PIEZO2: variants seen among roughly 807,000 people sequenced by gnomAD.
PIEZO2 encodes the protein piezo type mechanosensitive ion channel component 2.
Under a neutral mutation model 337.3 loss-of-function variants are expected in PIEZO2, and 172 were observed. The observed-to-expected ratio is 0.51, with a 90% CI of 0.45 to 0.58. The LOEUF (loss-of-function observed/expected upper bound fraction) is 0.58. PIEZO2 is among the 20% of genes least tolerant of loss of function. PIEZO2 has a pLI of 0.00. For missense variants in PIEZO2, 3,028 were observed against 3,391.3 expected (o/e 0.89, Z 2.66); for synonymous variants, 1,251 against 1,228.5 (o/e 1.02, Z -0.38).
Position 11,031,207 on chromosome 18 carries a change from G to A in PIEZO2, c.160+34920C>T, listed in dbSNP as rs550221493. 2.0e-5 allele frequency among the ~76,000 whole-genome samples: 3 copies of A among 150,704 alleles called. No individual in the cohort carries two copies. The highest frequency in any genetic ancestry group is 4.4e-5 in the Non-Finnish European group (3 of 67,826). On this transcript the variant is annotated intron_variant, in intron 2 of 55. Transcript: ENST00000674853. This position sits in a 1 kb window ranked among gnomAD's most constrained non-coding sequence, Gnocchi z 4.7. ...GTGGAGATGGGATTTCACCGTGTTA[G>A]CCAGGATGGTCTCAATCTCCTGACC...
At position 11,131,997 on chromosome 18, in the gene PIEZO2, G is replaced by A. The variant is rs1033566764; in HGVS notation, c.64+16528C>T. On this transcript the variant is annotated intron_variant, in intron 1 of 55. Coordinates refer to ENST00000674853, the MANE Select transcript of PIEZO2 (RefSeq NM_001378183.1). The surrounding 1 kb of genome is among the most constrained non-coding windows in gnomAD (Gnocchi z 5.3). ...GACCAAGGCTGACCTGGCTGCAGCC[G>A]CTGCTGAGTACCCAATTTGCCAACA... Among the ~76,000 whole-genome samples, 5 of 152,176 alleles carry A rather than the reference G, an allele frequency of 3.3e-5. No homozygotes were observed. The highest frequency in any genetic ancestry group is 2.1e-4 in the South Asian group (1 of 4,826).
At chr18:10,909,210 A>G (rs1234299012) in intron 4 of PIEZO2, among the ~76,000 whole-genome samples, 3 of 152,214 alleles carry the variant, frequency 2.0e-5, no homozygotes, top group Non-Finnish European at 2.9e-5. Context: ...TTGAATTTAC[A>G]TGAAATGAGG....
chr18:10,742,025 G>C (rs2037241133), intron 32 of PIEZO2, among the ~76,000 whole-genome samples: 1 of 152,014 alleles, frequency 6.6e-6, no homozygotes, highest in Admixed American at 6.5e-5. Flanking sequence ...CGTGGTGGCG[G>C]GCACCTGTAG....
Position 10,672,975 on chromosome 18 carries a change from T to C in PIEZO2, c.8162-102A>G, listed in dbSNP as rs1249506687. The C allele has an allele frequency of 7.3e-6, 7 of 952,438 alleles. No individual in the cohort carries two copies. Among genetic ancestry groups the C allele is most frequent in the African/African-American group, 6.6e-5 (4 of 60,632 alleles). The allele number at this position is 952,438 out of a possible 1,614,324, so 59.0% of individuals were successfully genotyped here. Reference sequence around the variant, plus strand: ...CAAAATCTGGTTACTAACTATAGCATAAGGTTCTAGGATGAAAAGGATGCA... The same window carrying C: ...CAAAATCTGGTTACTAACTATAGCACAAGGTTCTAGGATGAAAAGGATGCA... On this transcript the variant is annotated intron_variant, in intron 54 of 55. Coordinates refer to ENST00000674853, the MANE Select transcript of PIEZO2 (RefSeq NM_001378183.1). The surrounding 1 kb of genome is among the most constrained non-coding windows in gnomAD (Gnocchi z 4.7).
rs964025921 is a variant in PIEZO2 at position 10,699,213 on chromosome 18, G to A, written c.6442-36C>T. ...AGGGACAGGGACAAATGAGGCTACTGTTTCAGGTGGAACCCTTGGTATTCT... is the reference window on the plus strand; with the variant it reads ...AGGGACAGGGACAAATGAGGCTACTATTTCAGGTGGAACCCTTGGTATTCT... On this transcript the variant is annotated intron_variant, in intron 43 of 55. Transcript: ENST00000674853. The A allele has an allele frequency of 3.3e-6, 5 of 1,535,798 alleles. No homozygotes were observed. The African/African-American group carries it at 6.8e-5, about 21-fold the overall frequency.
At chr18:11,108,466 T>TC (rs1555715146) in intron 1 of PIEZO2, among the ~76,000 whole-genome samples, 1 of 150,840 alleles carries the variant, frequency 6.6e-6, no homozygotes, top group Non-Finnish European at 1.5e-5. Context: ...ATACAAAAAG[T>TC]AGCCGGGCGC....
chr18:11,100,771 AT>A (rs1271857532), intron 1 of PIEZO2, among the ~76,000 whole-genome samples: 1 of 151,932 alleles, frequency 6.6e-6, no homozygotes, highest in Non-Finnish European at 1.5e-5. Context: ...AATTTTTTGT[AT>A]TTTTAGTAGA....
intron 13 of PIEZO2, chr18:10,791,669 C>T (rs1038943575): frequency 6.2e-6 from 1 of 161,258 alleles, no homozygotes; most frequent in South Asian, 1.8e-4. Flanking sequence ...CTGACTGTGA[C>T]GTCATTACAA....
rs1292642618 is a variant in PIEZO2 at position 11,097,898 on chromosome 18, G to A, written c.65-31676C>T. Among the ~76,000 whole-genome samples, 2 of 152,126 alleles carry A rather than the reference G, an allele frequency of 1.3e-5. No homozygotes were observed. Among genetic ancestry groups the A allele is most frequent in the Non-Finnish European group, 2.9e-5 (2 of 68,018 alleles). ...TACATGGTGGCAACAAAGAAAAAAT[G>A]TGAGGCTTTTATTTTTCACCTCATA... On this transcript the variant is annotated intron_variant, in intron 1 of 55. Coordinates refer to ENST00000674853, the MANE Select transcript of PIEZO2 (RefSeq NM_001378183.1). The surrounding 1 kb of genome is among the most constrained non-coding windows in gnomAD (Gnocchi z 5.0).
intron 9 of PIEZO2, among the ~76,000 whole-genome samples, chr18:10,801,749 A>G (rs1310224470): frequency 6.6e-6 from 1 of 152,198 alleles, no homozygotes; most frequent in Non-Finnish European, 1.5e-5. Context: ...ACATCTGCAG[A>G]ATTCTGAATG....
In PIEZO2 at chr18:10,787,080, G is replaced by A; in HGVS notation, c.2274C>T (p.Asn758=). The change falls in exon 16 of 56, where the codon AAC becomes AAT. Residue 758 remains asparagine, a synonymous_variant. Transcript: ENST00000674853. ...TCATATTTTGCCACAGGCCTGGGAA[G>A]TTCTCAAACTGATATGTGTATATAA... The part of the protein sequence containing the change: ...LIFIYTYQFE[N]FPGLWQNMTG... 2.6e-6 allele frequency: 4 copies of A among 1,535,384 alleles called. No homozygotes were observed. The highest frequency in any genetic ancestry group is 2.4e-5 in the South Asian group (2 of 83,742).
chr18:11,050,391 T>C (rs2037479704), intron 2 of PIEZO2, among the ~76,000 whole-genome samples: 1 of 152,156 alleles, frequency 6.6e-6, no homozygotes, highest in Admixed American at 6.5e-5. Flanking sequence ...TGTCTAAACA[T>C]GTCTTTACAA....
At chr18:10,675,987 C>T (rs1483935424) in intron 53 of PIEZO2, among the ~76,000 whole-genome samples, 5 of 152,150 alleles carry the variant, frequency 3.3e-5, no homozygotes, top group East Asian at 1.9e-4. Context: ...GTCAATTCAA[C>T]CTCTTTCCTT....
rs1202143816 is a variant in PIEZO2, at chr18:10,716,782, G to GT, written c.5090-967dup. Among the ~76,000 whole-genome samples the GT allele has an allele frequency of 5.9e-5, 9 of 151,570 alleles. No individual in the cohort carries two copies. The highest frequency in any genetic ancestry group is 5.2e-4 in the Admixed American group (8 of 15,246). On this transcript the variant is annotated intron_variant, in intron 37 of 55. Transcript: ENST00000674853. The surrounding 1 kb of genome is among the most constrained non-coding windows in gnomAD (Gnocchi z 4.1). The stretch of plus-strand genomic sequence containing the variant: ...GGCTCTGGAGGATGAAAGGCTTGGA[G>GT]TTACACCCATCAATGAACTTTAGGA...
At position 10,834,907 on chromosome 18, in the gene PIEZO2, C is replaced by G. The variant is rs1598555557; in HGVS notation, c.917+20446G>C. 6.6e-6 allele frequency among the ~76,000 whole-genome samples: 1 copy of G among 152,316 alleles called. No homozygotes were observed. The highest frequency in any genetic ancestry group is 2.1e-4 in the South Asian group (1 of 4,832). On this transcript the variant is annotated intron_variant, in intron 7 of 55. Coordinates refer to ENST00000674853, the MANE Select transcript of PIEZO2 (RefSeq NM_001378183.1). This position sits in a 1 kb window ranked among gnomAD's most constrained non-coding sequence, Gnocchi z 4.5. ...TCATAAGCTTTTGTTTTGTTTGTGT[C>G]CTCCAAAATTCTTAGGTTGAAGCCA...
At chr18:10,705,776 CA>C in intron 40 of PIEZO2, 30 bp from the exon 41 acceptor site, 2 of 1,482,152 alleles carry the variant, frequency 1.3e-6, no homozygotes, top group Non-Finnish European at 1.8e-6. Context: ...GCACAGAGCC[CA>C]TGTCTTAGCA....
chr18:10,714,616 G>T, intron 39 of PIEZO2, 148 bp downstream of exon 39: 1 of 832,676 alleles, frequency 1.2e-6, no homozygotes, highest in Non-Finnish European at 1.8e-6. Flanking sequence ...CTTATAGTTT[G>T]TTGTACAGAT....
chr18:10,688,072 G>A (rs2034630658), intron 49 of PIEZO2, among the ~76,000 whole-genome samples: 2 of 152,152 alleles, frequency 1.3e-5, no homozygotes, highest in South Asian at 4.1e-4. Context: ...ATGTGCCGTG[G>A]TGGTTTGCTG....
rs1161475331 is a variant in PIEZO2 at position 10,952,700 on chromosome 18, C to T, written c.286+26835G>A. The stretch of plus-strand genomic sequence containing the variant: ...ATTTTCACTTCACCGGAGGAAATAT[C>T]ACCCAGTGGGATTCCTGGACTGAAT... On this transcript the variant is annotated intron_variant, in intron 3 of 55. Transcript: ENST00000674853. This position sits in a 1 kb window ranked among gnomAD's most constrained non-coding sequence, Gnocchi z 4.1. 6.6e-6 allele frequency among the ~76,000 whole-genome samples: 1 copy of T among 152,192 alleles called. No homozygotes were observed. The highest frequency in any genetic ancestry group is 1.5e-5 in the Non-Finnish European group (1 of 68,040).
Sources: gnomAD v4.1 joint callset for allele counts (sites outside exome capture counted in the v4.1 genomes callset) on GRCh38, gnomAD v4.1.1 for gene constraint, Gnocchi (gnomAD v3.1) non-coding constraint, MANE v1.5 for transcripts, NCBI Gene and HGNC (gene_info 2026-07-23, HGNC 2026-07-21) for gene names.